The following GIPC2 variants were observed in gnomAD, a reference collection of about 807,000 sequenced individuals.
GIPC2 encodes the protein GIPC PDZ domain containing family member 2, also known as PDZ domain-containing protein GIPC2.
A neutral mutation model predicts 30.6 loss-of-function variants in GIPC2; 30 were observed. The ratio of observed to expected loss-of-function variants is 0.98; its 90% confidence interval spans 0.73 to 1.33. GIPC2 has a LOEUF of 1.33. Among genes scored for constraint, GIPC2 ranks in the 40% most tolerant of loss-of-function variants. GIPC2 has a pLI of 0.00. For synonymous variants in GIPC2, 167 were observed against 150.0 expected (o/e 1.11, Z -0.83); for missense variants, 414 against 390.3 (o/e 1.06, Z -0.51).
chr1:78,120,046 C>T (rs1213065518), intron 4 of GIPC2, among the ~76,000 whole-genome samples: 5 of 152,192 alleles, frequency 3.3e-5, no homozygotes, highest in African/African-American at 9.6e-5. Context: ...CTGTTTAGTC[C>T]ACCTGTGTTC....
chr1:78,110,530 G>A (rs1662448137), intron 3 of GIPC2, among the ~76,000 whole-genome samples: 1 of 152,192 alleles, frequency 6.6e-6, no homozygotes, highest in African/African-American at 2.4e-5. Flanking sequence ...CTTTGCTCTG[G>A]TGACATGCAC....
At chr1:78,085,093 T>C (rs1322665111) in intron 2 of GIPC2, among the ~76,000 whole-genome samples, 1 of 152,186 alleles carries the variant, frequency 6.6e-6, no homozygotes, top group Non-Finnish European at 1.5e-5. Flanking sequence ...ATTGGTCTTA[T>C]TATTTTGATG....
chr1:78,065,540 A>AG (rs1661490000), intron 1 of GIPC2, among the ~76,000 whole-genome samples: 1 of 152,148 alleles, frequency 6.6e-6, no homozygotes, highest in South Asian at 2.1e-4. Context: ...ATTAAAAAAA[A>AG]AAAACTGTTT....
At chr1:78,135,547 A>T in intron 5 of GIPC2, 45 bp from the exon 6 acceptor site, 1 of 1,182,632 alleles carries the variant, frequency 8.5e-7, no homozygotes, top group South Asian at 1.4e-5. Flanking sequence ...CAGTCCTTTG[A>T]TGCTATTTCA....
chr1:78,062,823 A>G (rs1196730666), intron 1 of GIPC2, among the ~76,000 whole-genome samples: 1 of 151,996 alleles, frequency 6.6e-6, no homozygotes, highest in African/African-American at 2.4e-5. Flanking sequence ...ATTGTTGAAC[A>G]CCTATTACCA....
intron 2 of GIPC2, among the ~76,000 whole-genome samples, chr1:78,083,778 A>ACT (rs1390071697): frequency 6.6e-6 from 1 of 152,166 alleles, no homozygotes; most frequent in Non-Finnish European, 1.5e-5. Context: ...ATTTCCTGAG[A>ACT]CTTGGCCTGC....
chr1:78,097,641 CA>C (rs1339341336), intron 3 of GIPC2, among the ~76,000 whole-genome samples: 12 of 152,156 alleles, frequency 7.9e-5, no homozygotes, highest in Middle Eastern at 3.2e-3. Flanking sequence ...ACTCCACTTC[CA>C]GGGGCCATTA....
At chr1:78,050,290 A>AT (rs573094874) in intron 1 of GIPC2, among the ~76,000 whole-genome samples, 77 of 151,076 alleles carry the variant, frequency 5.1e-4, no homozygotes, top group Non-Finnish European at 9.8e-4. Flanking sequence ...TTGTAAACAA[A>AT]TTTTTTTTTT....
chr1:78,131,542 A>G (rs1178317533), intron 5 of GIPC2, among the ~76,000 whole-genome samples: 1 of 152,156 alleles, frequency 6.6e-6, no homozygotes, highest in Non-Finnish European at 1.5e-5. Flanking sequence ...GTATATTGTA[A>G]TTTTATTATA....
intron 3 of GIPC2, among the ~76,000 whole-genome samples, chr1:78,101,790 T>G (rs1662255112): frequency 6.6e-6 from 1 of 152,172 alleles, no homozygotes; most frequent in Non-Finnish European, 1.5e-5. Flanking sequence ...CTTTTGCCAA[T>G]GAAAAGGAGC....
At chr1:78,079,250 A>G (rs987627466) in intron 1 of GIPC2, among the ~76,000 whole-genome samples, 5 of 152,186 alleles carry the variant, frequency 3.3e-5, no homozygotes, top group African/African-American at 9.7e-5. Context: ...TTTTGTAGCC[A>G]GTGGCATTTT....
At chr1:78,119,721 T>C (rs1446125496) in intron 4 of GIPC2, among the ~76,000 whole-genome samples, 1 of 152,172 alleles carries the variant, frequency 6.6e-6, no homozygotes, top group Non-Finnish European at 1.5e-5. Flanking sequence ...CTAGACTCTA[T>C]AGACAGCTGG....
chr1:78,099,034 G>T (rs1662193350), intron 3 of GIPC2, among the ~76,000 whole-genome samples: 1 of 152,116 alleles, frequency 6.6e-6, no homozygotes, highest in African/African-American at 2.4e-5. Context: ...CCAGTTCTTT[G>T]ACTATGGAAG....
At chr1:78,081,208 A>G (rs569724233) in intron 2 of GIPC2, among the ~76,000 whole-genome samples, 1 of 152,026 alleles carries the variant, frequency 6.6e-6, no homozygotes, top group African/African-American at 2.4e-5. Flanking sequence ...TTATTTTCCA[A>G]CTGTTCCTAG....
At chr1:78,061,635 G>T (rs1177766510) in intron 1 of GIPC2, among the ~76,000 whole-genome samples, 1 of 86,420 alleles carries the variant, frequency 1.2e-5, no homozygotes, top group Non-Finnish European at 3.8e-5. Context: ...TGAGTAGCTG[G>T]GACTACAGGC....
At chr1:78,068,443 G>T (rs1256949548) in intron 1 of GIPC2, among the ~76,000 whole-genome samples, 4 of 152,202 alleles carry the variant, frequency 2.6e-5, no homozygotes, top group African/African-American at 9.6e-5. Context: ...CAAATCACAT[G>T]ACTTTCCTTT....
At chr1:78,115,527 C>T (rs897457614) in intron 3 of GIPC2, among the ~76,000 whole-genome samples, 3 of 152,192 alleles carry the variant, frequency 2.0e-5, no homozygotes, top group Non-Finnish European at 2.9e-5. Context: ...CATTGCTAGG[C>T]AGTACGGAAT....
Position 78,074,691 on chromosome 1 carries a change from G to A in GIPC2, c.241-5984G>A, listed in dbSNP as rs375120162. The stretch of plus-strand genomic sequence containing the variant: ...TTAATCCATTATTTTCATCTCTTAC[G>A]TTTCTTTTTCTCTTCTTTCTATTTA... On this transcript the variant is annotated intron_variant, in intron 1 of 5. Transcript: ENST00000370759. Among the ~76,000 whole-genome samples the A allele has an allele frequency of 6.6e-5, 10 of 152,094 alleles. No homozygotes were observed. The East Asian group carries it at 9.6e-4, about 15-fold the overall frequency.
intron 1 of GIPC2, among the ~76,000 whole-genome samples, chr1:78,063,101 A>G (rs1372288048): frequency 6.6e-6 from 1 of 152,182 alleles, no homozygotes; most frequent in Non-Finnish European, 1.5e-5. Flanking sequence ...CTGAAATAGG[A>G]TTTTAAACAA....
Sources: allele counts gnomAD v4.1 joint callset (sites outside exome capture counted in the v4.1 genomes callset), GRCh38; gene constraint gnomAD v4.1.1; transcripts MANE v1.5; gene names NCBI Gene and HGNC (gene_info 2026-07-23, HGNC 2026-07-21).